SLC17A1: variants seen among roughly 807,000 people sequenced by gnomAD.
SLC17A1 encodes the protein sodium-dependent phosphate transport protein 1.
In SLC17A1, 51 loss-of-function variants were observed where a neutral mutation model predicts 53.5. The ratio of observed to expected loss-of-function variants is 0.95; its 90% CI spans 0.76 to 1.20. The LOEUF (loss-of-function observed/expected upper bound fraction) is 1.20, where lower values mean the gene tolerates loss of function less well. Among genes scored for constraint, SLC17A1 ranks in the 50% most tolerant of loss-of-function variants. The pLI, the probability that SLC17A1 is intolerant of heterozygous loss-of-function variation, is 0.00. For synonymous variants in SLC17A1, 179 were observed against 198.8 expected, an observed-to-expected ratio of 0.90 and a Z score of 0.84; for missense variants, 538 against 568.2, an observed-to-expected ratio of 0.95 and a Z score of 0.54.
the SLC17A1 span, among the ~76,000 whole-genome samples, chr6:25,761,262 G>A: frequency 6.6e-6 from 1 of 152,306 alleles, no homozygotes; most frequent in African/African-American, 2.4e-5. Flanking sequence ...AAGGGGAAGA[G>A]CCTCTGTAAC....
At chr6:25,794,020 A>T (rs1019432330) in intron 12 of SLC17A1, among the ~76,000 whole-genome samples, 2 of 152,184 alleles carry the variant, frequency 1.3e-5, no homozygotes, top group African/African-American at 4.8e-5. Flanking sequence ...ACACCTTCTT[A>T]ATTTTGGGAA....
chr6:25,810,158 TACTAGAAGAAA>T (rs1472314053), intron 10 of SLC17A1, among the ~76,000 whole-genome samples: 3 of 152,032 alleles, frequency 2.0e-5, no homozygotes, highest in Non-Finnish European at 4.4e-5. Context: ...ACTGTAAAAC[TACTAGAAGAAA>T]ACAGGGGACA....
At chr6:25,741,203 G>T in the SLC17A1 span, among the ~76,000 whole-genome samples, 1 of 152,076 alleles carries the variant, frequency 6.6e-6, no homozygotes, top group African/African-American at 2.4e-5. Context: ...CATTTGAGGC[G>T]ATAGATATCC....
the SLC17A1 span, among the ~76,000 whole-genome samples, chr6:25,775,128 G>C: frequency 1.2e-4 from 19 of 152,066 alleles, no homozygotes; most frequent in Non-Finnish European, 2.6e-4. Context: ...TCAGGTGTTT[G>C]AGACCAGCCT....
At chr6:25,736,662 A>T in the SLC17A1 span, among the ~76,000 whole-genome samples, 1 of 152,154 alleles carries the variant, frequency 6.6e-6, no homozygotes, top group Non-Finnish European at 1.5e-5. Flanking sequence ...AACCCATATC[A>T]GACCAGTGGG....
intron 1 of SLC17A1, among the ~76,000 whole-genome samples, chr6:25,831,050 T>C (rs1418127709): frequency 6.6e-6 from 1 of 152,084 alleles, no homozygotes; most frequent in African/African-American, 2.4e-5. Context: ...ATTCCTTTTT[T>C]CCCCCTGTAT....
chr6:25,751,901 A>G, the SLC17A1 span, among the ~76,000 whole-genome samples: 1 of 152,350 alleles, frequency 6.6e-6, no homozygotes, highest in Admixed American at 6.5e-5. Context: ...TTATGCATCA[A>G]TGGCCAGAAA....
At chr6:25,786,990 G>A (rs1763396259) in intron 12 of SLC17A1, among the ~76,000 whole-genome samples, 1 of 152,022 alleles carries the variant, frequency 6.6e-6, no homozygotes, top group Non-Finnish European at 1.5e-5. Context: ...ATGTATGCTT[G>A]CTATTTAAAG....
At chr6:25,747,636 T>A in the SLC17A1 span, among the ~76,000 whole-genome samples, 1 of 152,208 alleles carries the variant, frequency 6.6e-6, no homozygotes, top group Admixed American at 6.5e-5. Flanking sequence ...AATGATTAGA[T>A]CATGAGGCTG....
intron 8 of SLC17A1, 54 bp from the exon 9 acceptor site, chr6:25,811,824 C>G (rs1302243063): frequency 2.9e-5 from 46 of 1,588,396 alleles, no homozygotes; most frequent in Non-Finnish European, 3.8e-5. Flanking sequence ...GCAGTACTGA[C>G]ACACAGAGTA....
At chr6:25,830,447 T>C in intron 2 of SLC17A1, 77 bp downstream of exon 2, 1 of 1,157,466 alleles carries the variant, frequency 8.6e-7, no homozygotes, top group South Asian at 1.2e-5. Context: ...ATCACAAAAA[T>C]ATTCTTCCAC....
At chr6:25,726,347 CTG>C in the SLC17A1 span, 1 of 1,614,160 alleles carries the variant, frequency 6.2e-7, no homozygotes. Flanking sequence ...AGGATTTCTG[CTG>C]TGAGATACTC....
At chr6:25,752,673 C>A in the SLC17A1 span, among the ~76,000 whole-genome samples, 1 of 152,178 alleles carries the variant, frequency 6.6e-6, no homozygotes, top group South Asian at 2.1e-4. Flanking sequence ...TTTCTTTAGG[C>A]CGGGTGCGGT....
downstream of SLC17A1, among the ~76,000 whole-genome samples, chr6:25,781,537 G>T (rs894807305): frequency 6.6e-6 from 1 of 152,116 alleles, no homozygotes; most frequent in Non-Finnish European, 1.5e-5. Flanking sequence ...AACTTATGAA[G>T]AAAAAGAGGT....
downstream of SLC17A1, among the ~76,000 whole-genome samples, chr6:25,778,800 A>C (rs1272172887): frequency 6.6e-6 from 1 of 152,194 alleles, no homozygotes; most frequent in Non-Finnish European, 1.5e-5. Flanking sequence ...AAGAACACTT[A>C]AGCAAGGACT....
intron 10 of SLC17A1, among the ~76,000 whole-genome samples, chr6:25,806,827 G>T (rs1331929103): frequency 1.3e-5 from 2 of 151,672 alleles, no homozygotes; most frequent in African/African-American, 4.8e-5. Context: ...AAACAAATCA[G>T]CAGGAAAAAC....
chr6:25,767,558 T>C, the SLC17A1 span, among the ~76,000 whole-genome samples: 4 of 152,166 alleles, frequency 2.6e-5, no homozygotes, highest in Admixed American at 6.5e-5. Flanking sequence ...GATTCTAGGA[T>C]TAAAATACAT....
At chr6:25,822,583 A>T (rs1764601028) in intron 3 of SLC17A1, among the ~76,000 whole-genome samples, 1 of 152,096 alleles carries the variant, frequency 6.6e-6, no homozygotes, top group Non-Finnish European at 1.5e-5. Flanking sequence ...AAAAGGTTTC[A>T]TGGGGTGGCG....
intron 12 of SLC17A1, among the ~76,000 whole-genome samples, chr6:25,791,873 T>C (rs886213105): frequency 6.6e-6 from 1 of 152,206 alleles, no homozygotes; most frequent in Non-Finnish European, 1.5e-5. Context: ...GGTGCAAAGG[T>C]GGCGGGAACA....
Sources: gnomAD v4.1 joint callset for allele counts (sites outside exome capture counted in the v4.1 genomes callset) on GRCh38, gnomAD v4.1.1 for gene constraint, MANE v1.5 for transcripts, NCBI Gene and HGNC (gene_info 2026-07-23, HGNC 2026-07-21) for gene names.